Variants in APP observed in about 807,000 individuals in gnomAD.
APP encodes the protein amyloid beta precursor protein.
A neutral mutation model predicts 101.4 loss-of-function variants in APP; 31 were observed. The ratio of observed to expected loss-of-function variants is 0.31; its 90% confidence interval spans 0.23 to 0.41. The LOEUF (loss-of-function observed/expected upper bound fraction) is 0.41. APP is among the 10% of genes least tolerant of loss of function. The pLI, the probability that APP is intolerant of heterozygous loss-of-function variation, is 1.00. For synonymous variants in APP, 366 were observed against 364.4 expected (o/e 1.00, Z -0.05); for missense variants, 839 against 1,003.7 (o/e 0.84, Z 2.22).
intron 1 of APP, among the ~76,000 whole-genome samples, chr21:26,122,704 A>AAGAAGATTTTAATAAAATTTTTTATT (rs1438266014): frequency 2.0e-5 from 3 of 149,484 alleles, no homozygotes; most frequent in Non-Finnish European, 4.5e-5. Flanking sequence ...AACACGTATG[A>AAGAAGATTTTAATAAAATTTTTTATT]AGAAGATTTT....
intron 13 of APP, among the ~76,000 whole-genome samples, chr21:25,917,488 G>A (rs993402540): frequency 1.3e-5 from 2 of 152,118 alleles, no homozygotes; most frequent in African/African-American, 4.8e-5. Flanking sequence ...CTGCTGAATA[G>A]GAAGCAGATG....
At chr21:25,886,653 C>A (rs1269992870) in intron 17 of APP, among the ~76,000 whole-genome samples, 2 of 152,138 alleles carry the variant, frequency 1.3e-5, no homozygotes, top group Non-Finnish European at 2.9e-5. Context: ...CCTTGGCCTC[C>A]CCAAATGCTG....
intron 1 of APP, among the ~76,000 whole-genome samples, chr21:26,146,630 T>C (rs942435828): frequency 2.6e-5 from 4 of 152,140 alleles, no homozygotes; most frequent in Non-Finnish European, 4.4e-5. Context: ...ATTGAGCAGG[T>C]TGAGAAAGGG....
At chr21:25,936,141 T>A (rs1291817477) in intron 13 of APP, among the ~76,000 whole-genome samples, 1 of 152,146 alleles carries the variant, frequency 6.6e-6, no homozygotes, top group Non-Finnish European at 1.5e-5. Context: ...CCCTGAAAAT[T>A]CATGTATCAA....
chr21:26,101,281 T>C (rs542050049), intron 2 of APP, among the ~76,000 whole-genome samples: 1 of 152,102 alleles, frequency 6.6e-6, no homozygotes, highest in South Asian at 2.1e-4. Flanking sequence ...GTATTTTTAG[T>C]AGAGACGGGG....
intron 13 of APP, among the ~76,000 whole-genome samples, chr21:25,949,160 GA>G (rs769173943): frequency 3.9e-5 from 6 of 152,056 alleles, no homozygotes; most frequent in Non-Finnish European, 5.9e-5. Flanking sequence ...AAAATTGAAT[GA>G]AAAAAATATG....
At chr21:25,945,588 G>A in intron 13 of APP, 1 of 220,836 alleles carries the variant, frequency 4.5e-6, no homozygotes, top group Non-Finnish European at 9.2e-6. Context: ...AGTAAGCACA[G>A]GCACACAGAT....
chr21:26,016,675 G>A (rs917380684), intron 6 of APP, among the ~76,000 whole-genome samples: 2 of 152,098 alleles, frequency 1.3e-5, no homozygotes, highest in African/African-American at 2.4e-5. Context: ...AGGTTCAAGC[G>A]ATTCTCCTGC....
intron 5 of APP, among the ~76,000 whole-genome samples, chr21:26,031,563 GA>G (rs1349046514): frequency 1.3e-5 from 2 of 152,180 alleles, no homozygotes; most frequent in Admixed American, 6.5e-5. Flanking sequence ...GGCGGCAAGA[GA>G]AAAATGAGGA....
intron 13 of APP, among the ~76,000 whole-genome samples, chr21:25,924,411 C>CAAAAA (rs551284093): frequency 1.0e-3 from 59 of 56,854 alleles, no homozygotes; most frequent in South Asian, 2.8e-3. Flanking sequence ...TTTGCAAATA[C>CAAAAA]AAAAAAAAAA....
At chr21:26,021,341 C>A (rs901863425) in intron 6 of APP, among the ~76,000 whole-genome samples, 56 of 152,292 alleles carry the variant, frequency 3.7e-4, no homozygotes, top group Non-Finnish European at 2.5e-4. Flanking sequence ...AGGCACTGTG[C>A]CTGGCCCAAA....
chr21:26,146,161 C>A (rs2063150061), intron 1 of APP, among the ~76,000 whole-genome samples: 1 of 152,186 alleles, frequency 6.6e-6, no homozygotes, highest in African/African-American at 2.4e-5. Flanking sequence ...ATGGTGAAAC[C>A]CTGCTTCTAC....
At chr21:25,895,224 AGTGCGATCTC>A (rs1195562359) in intron 16 of APP, among the ~76,000 whole-genome samples, 3 of 149,004 alleles carry the variant, frequency 2.0e-5, no homozygotes, top group African/African-American at 7.5e-5. Context: ...CCCAGGCTGG[AGTGCGATCTC>A]GGCTCACTGC....
At chr21:26,151,678 C>T (rs2063273244) in intron 1 of APP, among the ~76,000 whole-genome samples, 1 of 152,140 alleles carries the variant, frequency 6.6e-6, no homozygotes, top group African/African-American at 2.4e-5. Context: ...ACGCAGCTCT[C>T]ACTTTCTTAC....
chr21:25,988,689 C>T (rs1372013650), intron 8 of APP, among the ~76,000 whole-genome samples: 4 of 109,936 alleles, frequency 3.6e-5, no homozygotes, highest in Admixed American at 1.0e-4. Flanking sequence ...GTGATAACAG[C>T]GAAACTCTGT....
intron 2 of APP, among the ~76,000 whole-genome samples, chr21:26,107,849 T>C (rs2062219542): frequency 6.6e-6 from 1 of 152,236 alleles, no homozygotes; most frequent in South Asian, 2.1e-4. Flanking sequence ...CCCTGTGTTC[T>C]GTTCATCAAT....
upstream of APP, chr21:26,171,108 C>G (rs1015501777): frequency 4.6e-5 from 7 of 153,108 alleles, no homozygotes; most frequent in African/African-American, 1.7e-4. Context: ...TGCTCGTCCC[C>G]GTGAGCTTGA....
At chr21:26,111,910 G>A in intron 2 of APP, 69 bp downstream of exon 2, 2 of 1,556,200 alleles carry the variant, frequency 1.3e-6, no homozygotes, top group Non-Finnish European at 1.8e-6. Flanking sequence ...CAAAATACAA[G>A]AAGTTAAATT....
chr21:26,062,773 A>AT (rs971313547), intron 3 of APP, among the ~76,000 whole-genome samples: 100 of 151,848 alleles, frequency 6.6e-4, no homozygotes, highest in African/African-American at 2.3e-3. Context: ...TTTATTTTTT[A>AT]TTTTTTTAAG....
Sources: gnomAD v4.1 joint callset for allele counts (sites outside exome capture counted in the v4.1 genomes callset) on GRCh38, gnomAD v4.1.1 for gene constraint, MANE v1.5 for transcripts, NCBI Gene and HGNC (gene_info 2026-07-23, HGNC 2026-07-21) for gene names.